LCORL: variants seen among roughly 807,000 people sequenced by gnomAD.
The protein encoded by LCORL is ligand dependent nuclear receptor corepressor like.
LCORL carries 41 observed loss-of-function variants against 141.8 expected under a neutral mutation model. That is an observed-to-expected ratio of 0.29 (90% CI 0.23 to 0.38). LCORL has a LOEUF of 0.38. Ranked by LOEUF, LCORL falls within the 10% of genes least tolerant of loss-of-function variation. LCORL has a pLI of 1.00. For missense variants in LCORL, 1,759 were observed against 2,035.0 expected (o/e 0.86, Z 2.61); for synonymous variants, 618 against 694.1 (o/e 0.89, Z 1.72).
At chr4:17,881,656 T>C in intron 6 of LCORL, 1 of 960,954 alleles carries the variant, frequency 1.0e-6, no homozygotes, top group South Asian at 4.8e-5. Flanking sequence ...AAGTGTTCTG[T>C]AAGTTTCCCT....
intron 7 of LCORL, among the ~76,000 whole-genome samples, chr4:17,867,722 A>G (rs1298504446): frequency 6.6e-6 from 1 of 152,222 alleles, no homozygotes; most frequent in Non-Finnish European, 1.5e-5. Context: ...TGTTAAATAA[A>G]CTGAATGATT....
chr4:17,950,742 T>A (rs1323277171), intron 4 of LCORL, among the ~76,000 whole-genome samples: 1 of 152,052 alleles, frequency 6.6e-6, no homozygotes, highest in Non-Finnish European at 1.5e-5. Context: ...CCACTTGATG[T>A]TCATCATTAG....
At chr4:18,017,666 C>G (rs998579992) in intron 1 of LCORL, among the ~76,000 whole-genome samples, 1 of 152,004 alleles carries the variant, frequency 6.6e-6, no homozygotes, top group African/African-American at 2.4e-5. Flanking sequence ...GTAAGGTTGA[C>G]GAAGTGTTCC....
chr4:18,021,548 G>A lies in LCORL; in HGVS notation c.154+50C>T. 2 of 1,480,420 alleles carry A rather than the reference G, an allele frequency of 1.4e-6. No homozygotes were observed. Among genetic ancestry groups the A allele is most frequent in the South Asian group, 1.3e-5 (1 of 79,300 alleles). The allele number at this position is 1,480,420 out of a possible 1,614,324, so 91.7% of individuals were successfully genotyped here. A position where few individuals can be genotyped will look rare whatever the true frequency, so the allele number is the denominator to read the frequency against. Reference sequence around the variant, plus strand: ...CTCAGCCACAAACTCCTCGGGCTGCGACAGCGGTCGCCGCGCGGAGCCCGG... The same window carrying A: ...CTCAGCCACAAACTCCTCGGGCTGCAACAGCGGTCGCCGCGCGGAGCCCGG... On this transcript the variant is annotated intron_variant, in intron 1 of 7. Transcript: ENST00000635767. This position sits in a 1 kb window ranked among gnomAD's most constrained non-coding sequence, Gnocchi z 5.5.
At chr4:17,867,471 T>G (rs1415216421) in intron 7 of LCORL, among the ~76,000 whole-genome samples, 1 of 152,194 alleles carries the variant, frequency 6.6e-6, no homozygotes, top group East Asian at 1.9e-4. Flanking sequence ...CCAATAAAAC[T>G]TTATTTACAA....
chr4:18,007,635 G>A (rs1723031693), intron 1 of LCORL, among the ~76,000 whole-genome samples: 2 of 152,120 alleles, frequency 1.3e-5, no homozygotes, highest in Non-Finnish European at 2.9e-5. Context: ...AAAAAATTAT[G>A]AGGAAGAAAA....
At chr4:17,920,476 C>T (rs754297583) in intron 4 of LCORL, among the ~76,000 whole-genome samples, 27 of 152,186 alleles carry the variant, frequency 1.8e-4, no homozygotes, top group Middle Eastern at 3.2e-3. Context: ...CTGCTGAATG[C>T]TCAGGGTGAT....
chr4:17,954,164 AAAAC>A (rs1420150076), intron 4 of LCORL, among the ~76,000 whole-genome samples: 3 of 152,174 alleles, frequency 2.0e-5, no homozygotes, highest in Non-Finnish European at 4.4e-5. Flanking sequence ...CTCCATCTCA[AAAAC>A]AAACAAACAA....
chr4:17,963,390 CA>C (rs1403851425), intron 2 of LCORL, among the ~76,000 whole-genome samples: 1 of 151,778 alleles, frequency 6.6e-6, no homozygotes, highest in Non-Finnish European at 1.5e-5. Context: ...GGAATCAGAA[CA>C]AAGGGGGAGA....
At chr4:17,923,031 CCT>C (rs1273560263) in intron 4 of LCORL, among the ~76,000 whole-genome samples, 4 of 152,188 alleles carry the variant, frequency 2.6e-5, no homozygotes, top group African/African-American at 9.7e-5. Flanking sequence ...CCCCAACACC[CCT>C]GTTTGCTTCT....
chr4:17,881,266 T>C (rs1040607371), intron 6 of LCORL: 17 of 982,654 alleles, frequency 1.7e-5, no homozygotes, highest in Middle Eastern at 5.2e-4. Context: ...TTTCAGAAAA[T>C]TGTCAATTAA....
chr4:17,940,448 ATATGTAATATATAT>A (rs147775153), intron 4 of LCORL, among the ~76,000 whole-genome samples: 1,632 of 147,982 alleles, frequency 0.011, 24 homozygotes, highest in African/African-American at 0.037. Context: ...ATAGTAATAT[ATATGTAATATATAT>A]TATGTAATAT....
At chr4:17,845,994 G>T in intron 7 of LCORL, 93 bp from the exon 8 acceptor site, 1 of 1,037,256 alleles carries the variant, frequency 9.6e-7, no homozygotes, top group Non-Finnish European at 1.4e-6. Context: ...GTAGTGTTTG[G>T]ACCTCTAAAT....
At chr4:17,853,863 A>G (rs1220319233) in intron 7 of LCORL, among the ~76,000 whole-genome samples, 1 of 151,676 alleles carries the variant, frequency 6.6e-6, no homozygotes, top group Non-Finnish European at 1.5e-5. Flanking sequence ...CTAACCCTCA[A>G]GCAGTACTTA....
At chr4:17,843,926 T>TCAA (rs1223567638) in exon 8 of LCORL, 1 of 152,144 alleles carries the variant, frequency 6.6e-6, no homozygotes, top group African/African-American at 2.4e-5. Flanking sequence ...AGTATAACGT[T>TCAA]CAACAACAGT....
intron 1 of LCORL, among the ~76,000 whole-genome samples, chr4:17,977,062 G>T (rs1000207011): frequency 2.0e-5 from 3 of 152,022 alleles, no homozygotes; most frequent in Non-Finnish European, 4.4e-5. Flanking sequence ...CATGAGAATC[G>T]AATCTTACAG....
At chr4:17,897,240 T>TTTTTTTTTTTTTTTG in intron 5 of LCORL, among the ~76,000 whole-genome samples, 2 of 132,976 alleles carry the variant, frequency 1.5e-5, no homozygotes, top group Non-Finnish European at 3.1e-5. Context: ...TTTTTTTTTT[T>TTTTTTTTTTTTTTTG]TTTTTTTTTT....
intron 7 of LCORL, among the ~76,000 whole-genome samples, chr4:17,865,728 G>A (rs144065711): frequency 2.5e-4 from 38 of 152,260 alleles, no homozygotes; most frequent in Non-Finnish European, 4.9e-4. Flanking sequence ...AGGTCCAGAA[G>A]CATAAGCATA....
rs1714178526 is a variant in LCORL at position 17,963,139 on chromosome 4, A to G, written c.221-90T>C. 6.8e-6 allele frequency: 4 copies of G among 584,780 alleles called. No individual in the cohort carries two copies. The East Asian group carries it at 1.3e-4, about 19-fold the overall frequency. 36.2% of individuals were successfully genotyped at this position (584,780 alleles called of 1,614,324 possible). ...CTCCACAGCAATGGCTCACATAATA[A>G]TAATTTTTAAAAAACTAACAGTAAT... On this transcript the variant is annotated intron_variant, in intron 2 of 7. Transcript: ENST00000635767.
Sources: allele counts gnomAD v4.1 joint callset (sites outside exome capture counted in the v4.1 genomes callset), GRCh38; gene constraint gnomAD v4.1.1; non-coding constraint Gnocchi (gnomAD v3.1); transcripts MANE v1.5; gene names NCBI Gene and HGNC (gene_info 2026-07-23, HGNC 2026-07-21).